The following RALYL variants were observed in gnomAD, a reference collection of about 807,000 sequenced individuals.
RALYL encodes the protein RNA-binding Raly-like protein.
Under a neutral mutation model 35.1 loss-of-function variants are expected in RALYL, and 29 were observed. The ratio of observed to expected loss-of-function variants is 0.83; its 90% CI spans 0.61 to 1.13. The LOEUF (loss-of-function observed/expected upper bound fraction) is 1.13. Among genes scored for constraint, RALYL ranks in the 50% most tolerant of loss-of-function variants. The pLI is 0.00. For synonymous variants in RALYL, 120 were observed against 127.6 expected (o/e 0.94, Z 0.40); for missense variants, 359 against 360.4 (o/e 1.00, Z 0.03).
At chr8:84,866,040 T>C (rs560181408) in intron 6 of RALYL, among the ~76,000 whole-genome samples, 1 of 152,318 alleles carries the variant, frequency 6.6e-6, no homozygotes, top group East Asian at 1.9e-4. Flanking sequence ...AACATATCAT[T>C]AAACATTCCC....
chr8:84,477,726 GA>G (rs2053588105), intron 1 of RALYL, among the ~76,000 whole-genome samples: 2 of 151,310 alleles, frequency 1.3e-5, no homozygotes, highest in South Asian at 2.1e-4. Flanking sequence ...AAGCGTCACA[GA>G]AAGTAATTTT....
At chr8:84,839,620 G>A (rs1832773420) in intron 4 of RALYL, among the ~76,000 whole-genome samples, 1 of 152,238 alleles carries the variant, frequency 6.6e-6, no homozygotes, top group African/African-American at 2.4e-5. Flanking sequence ...GAAGAGAGTA[G>A]TGGTTCTCCC....
chr8:84,863,374 T>A lies in RALYL; in HGVS notation c.571+921T>A, dbSNP rs534454780. ...AGTCAAGGAACAATAAGGAAGCCAG[T>A]GTGGCTGCAACAGAGCCGAGCCAGA... On this transcript the variant is annotated intron_variant, in intron 6 of 8. Transcript: ENST00000521268. Among the ~76,000 whole-genome samples the A allele has an allele frequency of 1.4e-4, 22 of 152,234 alleles. No homozygotes were observed. In the Middle Eastern group the frequency reaches 0.01, roughly 71 times the overall value.
At chr8:84,416,255 C>A (rs974235639) in intron 1 of RALYL, among the ~76,000 whole-genome samples, 10 of 152,300 alleles carry the variant, frequency 6.6e-5, no homozygotes, top group Admixed American at 2.6e-4. Context: ...TCATTCTGGT[C>A]CTCATCACAC....
intron 4 of RALYL, among the ~76,000 whole-genome samples, chr8:84,836,667 A>G (rs1017022448): frequency 6.6e-6 from 1 of 152,154 alleles, no homozygotes; most frequent in East Asian, 1.9e-4. Flanking sequence ...AAGTTTGTAA[A>G]TTTGTTTAAC....
chr8:84,621,288 T>A (rs185748225), intron 2 of RALYL, among the ~76,000 whole-genome samples: 2 of 152,172 alleles, frequency 1.3e-5, no homozygotes, highest in Non-Finnish European at 2.9e-5. Flanking sequence ...GTGCAGGATA[T>A]AATCTCGTGG....
At chr8:84,368,568 G>A (rs1240173270) in intron 1 of RALYL, among the ~76,000 whole-genome samples, 1 of 152,070 alleles carries the variant, frequency 6.6e-6, no homozygotes, top group Admixed American at 6.5e-5. Context: ...CACGTAGCTG[G>A]GGAGGCCTCA....
intron 1 of RALYL, among the ~76,000 whole-genome samples, chr8:84,489,058 A>G (rs2054958992): frequency 6.6e-6 from 1 of 152,066 alleles, no homozygotes. Context: ...CTATTTTCAC[A>G]TATTGTGCCT....
intron 1 of RALYL, among the ~76,000 whole-genome samples, chr8:84,518,966 A>T (rs2058262629): frequency 6.6e-6 from 1 of 152,212 alleles, no homozygotes; most frequent in African/African-American, 2.4e-5. Context: ...GAGTTTTAAA[A>T]TGGAGAAAGA....
chr8:84,534,309 T>C (rs2135071713), intron 2 of RALYL, among the ~76,000 whole-genome samples: 1 of 152,358 alleles, frequency 6.6e-6, no homozygotes, highest in South Asian at 2.1e-4. Flanking sequence ...CCCTTTTGCC[T>C]GGCTAATCAT....
chr8:84,315,033 G>A (rs140333294), intron 1 of RALYL, among the ~76,000 whole-genome samples: 1 of 152,200 alleles, frequency 6.6e-6, no homozygotes, highest in East Asian at 1.9e-4. Context: ...AAATTACCAT[G>A]CGCATCTGAA....
intron 1 of RALYL, among the ~76,000 whole-genome samples, chr8:84,443,617 C>G (rs1381294660): frequency 1.3e-5 from 2 of 152,114 alleles, no homozygotes; most frequent in African/African-American, 4.8e-5. Context: ...TCACATGCAG[C>G]CTTGTGATCA....
At chr8:84,780,424 G>A (rs2634042) in intron 3 of RALYL, among the ~76,000 whole-genome samples, 50,722 of 151,990 alleles carry the variant, frequency 0.33, 10,273 homozygotes, top group African/African-American at 0.57. Context: ...TACCAAAAAC[G>A]GTGTATATTT....
At chr8:84,317,930 AATT>A (rs1435550462) in intron 1 of RALYL, among the ~76,000 whole-genome samples, 1 of 151,616 alleles carries the variant, frequency 6.6e-6, no homozygotes, top group East Asian at 1.9e-4. Flanking sequence ...TTATTATTTC[AATT>A]ATTAAGTTTT....
At chr8:84,442,649 C>T (rs1428844778) in intron 1 of RALYL, among the ~76,000 whole-genome samples, 1 of 152,054 alleles carries the variant, frequency 6.6e-6, no homozygotes, top group African/African-American at 2.4e-5. Context: ...ATGCTTCTTC[C>T]CTCACAGGAA....
At chr8:84,189,703 C>T in intron 1 of RALYL, among the ~76,000 whole-genome samples, 1 of 150,922 alleles carries the variant, frequency 6.6e-6, no homozygotes, top group Non-Finnish European at 1.5e-5. Flanking sequence ...CACAGATATG[C>T]TTCATTTGTG....
At chr8:84,758,427 C>G (rs1811933013) in intron 2 of RALYL, among the ~76,000 whole-genome samples, 1 of 152,150 alleles carries the variant, frequency 6.6e-6, no homozygotes, top group Non-Finnish European at 1.5e-5. Context: ...TTTATTATTT[C>G]ACTATTTCTG....
At position 84,304,614 on chromosome 8, in the gene RALYL, A is replaced by T. The variant is rs542081700; in HGVS notation, c.-24+120190A>T. On this transcript the variant is annotated intron_variant, in intron 1 of 8. Transcript: ENST00000521268. The stretch of plus-strand genomic sequence containing the variant: ...TCATAAAGTTTACACTATTTTTTTT[A>T]AAAGAAGTGACTTCTAATGTTATAC... 7.2e-5 allele frequency among the ~76,000 whole-genome samples: 11 copies of T among 152,252 alleles called. No homozygotes were observed. The South Asian group carries it at 2.3e-3, about 32-fold the overall frequency.
Position 84,513,154 on chromosome 8 carries a change from A to T in RALYL, c.-23-16145A>T, listed in dbSNP as rs2057762285. ...TTAACTTTTCATTCAATGAGCATGA[A>T]ATGTCGTCCATTTTTTTGTGTGTGT... On this transcript the variant is annotated intron_variant, in intron 1 of 8. Transcript: ENST00000521268. 2.6e-5 allele frequency among the ~76,000 whole-genome samples: 4 copies of T among 152,268 alleles called. No homozygotes were observed. In the South Asian group the frequency reaches 8.3e-4, roughly 32 times the overall value.
Sources: allele counts gnomAD v4.1 joint callset (sites outside exome capture counted in the v4.1 genomes callset), GRCh38; gene constraint gnomAD v4.1.1; transcripts MANE v1.5; gene names NCBI Gene and HGNC (gene_info 2026-07-23, HGNC 2026-07-21).